CLCA4: variants seen among roughly 807,000 people sequenced by gnomAD.
The protein encoded by CLCA4 is chloride channel accessory 4.
CLCA4 carries 69 observed loss-of-function variants against 78.9 expected under a neutral mutation model. That is an observed-to-expected ratio of 0.87 (90% confidence interval 0.72 to 1.07). The LOEUF (loss-of-function observed/expected upper bound fraction) is 1.07, where lower values mean the gene tolerates loss of function less well. Ranked by LOEUF, CLCA4 falls within the 50% of genes least tolerant of loss-of-function variation. CLCA4 has a pLI of 0.00. For missense variants in CLCA4, 1,133 were observed against 1,095.8 expected, an observed-to-expected ratio of 1.03 and a Z score of -0.48; for synonymous variants, 362 against 375.8, an observed-to-expected ratio of 0.96 and a Z score of 0.42.
At chr1:86,576,067 G>C (rs1189959184) in intron 11 of CLCA4, among the ~76,000 whole-genome samples, 2 of 151,934 alleles carry the variant, frequency 1.3e-5, no homozygotes, top group Non-Finnish European at 2.9e-5. Flanking sequence ...ATTCCAGCCT[G>C]GGCAACAGAG....
chr1:86,574,595 T>C lies in CLCA4; in HGVS notation c.1523T>C (p.Ile508Thr). The change falls in exon 10 of 14, where the codon ATA becomes ACA. Residue 508 changes from isoleucine (I) to threonine (T), a missense_variant. Coordinates refer to ENST00000370563, the MANE Select transcript of CLCA4 (RefSeq NM_012128.4). The part of the protein sequence containing the change: ...NSNAWMNDTV[I>T]IDSTVGKDTF... ...AATGCCTGGATGAACGACACTGTCATAATTGATAGTACAGTGGGAAAGGAC... is the reference window on the plus strand; with the variant it reads ...AATGCCTGGATGAACGACACTGTCACAATTGATAGTACAGTGGGAAAGGAC... 6.2e-7 allele frequency: 1 copy of C among 1,613,282 alleles called. No homozygotes were observed. Among genetic ancestry groups the C allele is most frequent in the Non-Finnish European group, 8.5e-7 (1 of 1,179,466 alleles).
intron 7 of CLCA4, among the ~76,000 whole-genome samples, chr1:86,570,486 T>C (rs1290581161): frequency 2.0e-5 from 3 of 152,066 alleles, no homozygotes; most frequent in East Asian, 3.9e-4. Flanking sequence ...TCTTTAAGCA[T>C]CACCAATATG....
intron 11 of CLCA4, among the ~76,000 whole-genome samples, 157 bp from the exon 12 acceptor site, chr1:86,577,745 T>C (rs898509023): frequency 6.6e-6 from 1 of 152,118 alleles, no homozygotes; most frequent in Admixed American, 6.6e-5. Context: ...TTCTACAATA[T>C]ATTGTTTTGG....
At chr1:86,548,246 T>C (rs1570314923) in intron 1 of CLCA4, among the ~76,000 whole-genome samples, 3 of 152,340 alleles carry the variant, frequency 2.0e-5, no homozygotes, top group Admixed American at 6.5e-5. Flanking sequence ...TGTCTTCTTT[T>C]GAGAAATGTC....
At chr1:86,552,738 C>A in intron 1 of CLCA4, 2 of 1,433,534 alleles carry the variant, frequency 1.4e-6, no homozygotes. Context: ...GGGCCCGGCC[C>A]GGCACCCCCA....
chr1:86,579,602 T>C lies in CLCA4; in HGVS notation c.2356+15T>C. The C allele has an allele frequency of 6.3e-7, 1 of 1,597,386 alleles. No homozygotes were observed. Among genetic ancestry groups the C allele is most frequent in the East Asian group, 2.2e-5 (1 of 44,546 alleles). Reference sequence around the variant, plus strand: ...TGTTGGAAAAGGTAAGGATGAAGTGTCATGTGATTTTGACTTAAGTAAAAG... The same window carrying C: ...TGTTGGAAAAGGTAAGGATGAAGTGCCATGTGATTTTGACTTAAGTAAAAG... On this transcript the variant is annotated intron_variant, in intron 13 of 13. Coordinates refer to ENST00000370563, the MANE Select transcript of CLCA4 (RefSeq NM_012128.4).
At chr1:86,563,333 T>A (rs1650080121) in intron 3 of CLCA4, among the ~76,000 whole-genome samples, 1 of 151,804 alleles carries the variant, frequency 6.6e-6, no homozygotes. Context: ...ATGGTTATAA[T>A]TTGGAGAACC....
intron 1 of CLCA4, among the ~76,000 whole-genome samples, chr1:86,553,706 G>A (rs1382710627): frequency 6.6e-6 from 1 of 152,180 alleles, no homozygotes; most frequent in Non-Finnish European, 1.5e-5. Flanking sequence ...AGGCTGAGGC[G>A]GGTGGATCAC....
intron 1 of CLCA4, among the ~76,000 whole-genome samples, chr1:86,553,668 C>T (rs1300891935): frequency 6.6e-6 from 1 of 152,222 alleles, no homozygotes; most frequent in Non-Finnish European, 1.5e-5. Context: ...GGCATGGTGA[C>T]TCACGTCTGT....
intron 1 of CLCA4, among the ~76,000 whole-genome samples, chr1:86,553,620 T>G (rs1463660759): frequency 6.6e-6 from 1 of 152,206 alleles, no homozygotes; most frequent in Non-Finnish European, 1.5e-5. Context: ...AAACTAGCCA[T>G]AGTTTTACTT....
intron 8 of CLCA4, among the ~76,000 whole-genome samples, chr1:86,572,078 T>G (rs1650365399): frequency 6.6e-6 from 1 of 152,034 alleles, no homozygotes; most frequent in Non-Finnish European, 1.5e-5. Context: ...TTATCTCTCT[T>G]GCTTTCCAAT....
At chr1:86,571,423 A>C (rs544145178) in intron 8 of CLCA4, 169 bp downstream of exon 8, 2 of 542,764 alleles carry the variant, frequency 3.7e-6, no homozygotes, top group African/African-American at 3.8e-5. Context: ...AGAGACAAAT[A>C]AAACTGTTGA....
intron 7 of CLCA4, among the ~76,000 whole-genome samples, chr1:86,569,784 A>G (rs753326286): frequency 6.6e-6 from 1 of 152,030 alleles, no homozygotes; most frequent in African/African-American, 2.4e-5. Flanking sequence ...ACAAAGCTCC[A>G]TAAACATTGT....
chr1:86,580,516 C>T lies in CLCA4; in HGVS notation c.*171C>T, dbSNP rs980066235. On this transcript the variant is annotated 3_prime_UTR_variant, in exon 14 of 14. Transcript: ENST00000370563. ...AGGATACTTTGATTAAATAAAAACA[C>T]TCATGGATATGTAAAAACTGTCAAG... The T allele has an allele frequency of 2.2e-6, 1 of 447,752 alleles. No homozygotes were observed. Among genetic ancestry groups the T allele is most frequent in the South Asian group, 8.7e-5 (1 of 11,470 alleles). 27.7% of individuals were successfully genotyped at this position (447,752 alleles called of 1,614,324 possible).
At chr1:86,551,078 G>C (rs1004726051) in intron 1 of CLCA4, among the ~76,000 whole-genome samples, 1 of 151,896 alleles carries the variant, frequency 6.6e-6, no homozygotes, top group South Asian at 2.1e-4. Context: ...TGATCCGCCC[G>C]CCTCGGCCTC....
chr1:86,575,395 A>G lies in CLCA4; in HGVS notation c.1747A>G (p.Thr583Ala). ...ANPETLTITVTSRAANSSVPP... is the reference protein window; with the variant it reads ...ANPETLTITVASRAANSSVPP... ...CCCAGAAACATTAACTATTACAGTA[A>G]CTTCTCGAGCAGCAAATTCTTCTGT... is the stretch of plus-strand genomic sequence containing the variant. Residue 583 changes from threonine to alanine, a missense_variant, in exon 11 of 14, where the codon ACT (threonine) becomes GCT (alanine). Thr to Ala is a moderately conservative substitution (Grantham distance 58). Transcript: ENST00000370563. 6.2e-7 allele frequency: 1 copy of G among 1,613,386 alleles called. No homozygotes were observed. Among genetic ancestry groups the G allele is most frequent in the Non-Finnish European group, 8.5e-7 (1 of 1,179,536 alleles).
chr1:86,570,125 A>T (rs1650307277), intron 7 of CLCA4, among the ~76,000 whole-genome samples: 1 of 152,016 alleles, frequency 6.6e-6, no homozygotes, highest in Non-Finnish European at 1.5e-5. Context: ...CAAAAATTGT[A>T]ATAAGCGTGG....
chr1:86,558,802 C>T (rs1005170782), intron 1 of CLCA4, among the ~76,000 whole-genome samples: 3 of 152,050 alleles, frequency 2.0e-5, no homozygotes, highest in African/African-American at 7.2e-5. Flanking sequence ...TTCCACAACA[C>T]GTGGGGATTA....
chr1:86,557,293 G>A (rs1649880104), intron 1 of CLCA4, among the ~76,000 whole-genome samples: 1 of 152,000 alleles, frequency 6.6e-6, no homozygotes, highest in African/African-American at 2.4e-5. Flanking sequence ...TCCTTCAGTT[G>A]TAATGTTAGG....
Sources: gnomAD v4.1 joint callset for allele counts (sites outside exome capture counted in the v4.1 genomes callset) on GRCh38, gnomAD v4.1.1 for gene constraint, MANE v1.5 for transcripts, NCBI Gene and HGNC (gene_info 2026-07-23, HGNC 2026-07-21) for gene names.